Variants in CACNA1E observed in about 807,000 individuals in gnomAD.
CACNA1E encodes voltage-dependent R-type calcium channel subunit alpha-1E.
CACNA1E carries 40 observed loss-of-function variants against 259.2 expected under a neutral mutation model. The ratio of observed to expected loss-of-function variants is 0.15; its 90% CI spans 0.12 to 0.20. The LOEUF is 0.20. Ranked by LOEUF, CACNA1E falls within the 10% of genes least tolerant of loss-of-function variation. CACNA1E has a pLI of 1.00. For missense variants in CACNA1E, 1,874 were observed against 3,040.1 expected (o/e 0.62, Z 9.02); for synonymous variants, 1,104 against 1,138.5 (o/e 0.97, Z 0.61).
At chr1:181,342,530 C>T (rs774762910) in intron 1 of CACNA1E, among the ~76,000 whole-genome samples, 7 of 152,186 alleles carry the variant, frequency 4.6e-5, no homozygotes, top group East Asian at 1.9e-4. Context: ...GCTACACACA[C>T]GGATGAATTT....
At chr1:181,692,447 A>G (rs537568962) in intron 7 of CACNA1E, among the ~76,000 whole-genome samples, 1 of 152,318 alleles carries the variant, frequency 6.6e-6, no homozygotes, top group Admixed American at 6.5e-5. Flanking sequence ...CTTGGTACAG[A>G]AACAGAAACA....
chr1:181,417,762 A>G (rs554034950), intron 2 of CACNA1E, among the ~76,000 whole-genome samples: 31 of 152,246 alleles, frequency 2.0e-4, no homozygotes, highest in East Asian at 3.9e-4. Context: ...CATGACTACA[A>G]TTGCCTTCCT....
At chr1:181,754,095 T>C in intron 27 of CACNA1E, among the ~76,000 whole-genome samples, 1 of 152,198 alleles carries the variant, frequency 6.6e-6, no homozygotes, top group East Asian at 1.9e-4. Context: ...CAGGCTGCCT[T>C]GGGCCCTGAC....
At chr1:181,543,485 A>T (rs1256880723) in intron 3 of CACNA1E, among the ~76,000 whole-genome samples, 2 of 152,234 alleles carry the variant, frequency 1.3e-5, no homozygotes, top group Non-Finnish European at 2.9e-5. Flanking sequence ...TAATTAGTTC[A>T]TAAGGGTACA....
chr1:181,677,148 A>G (rs1284454503), intron 7 of CACNA1E, among the ~76,000 whole-genome samples: 1 of 152,036 alleles, frequency 6.6e-6, no homozygotes, highest in Non-Finnish European at 1.5e-5. Context: ...GGTTGTTCCT[A>G]TGACTGGATG....
At chr1:181,760,112 A>T (rs1658449133) in intron 32 of CACNA1E, among the ~76,000 whole-genome samples, 1 of 151,998 alleles carries the variant, frequency 6.6e-6, no homozygotes, top group African/African-American at 2.4e-5. Context: ...CAACAGGGAA[A>T]TTTTTTCTAT....
intron 36 of CACNA1E, 103 bp from the exon 37 acceptor site, chr1:181,771,963 G>T: frequency 9.8e-7 from 1 of 1,024,714 alleles, no homozygotes; most frequent in Non-Finnish European, 1.4e-6. Flanking sequence ...AGAGCCTGTT[G>T]GGCCCAGACA....
chr1:181,407,043 A>G (rs1259942298), intron 1 of CACNA1E, among the ~76,000 whole-genome samples: 1 of 151,848 alleles, frequency 6.6e-6, no homozygotes, highest in East Asian at 1.9e-4. Flanking sequence ...GACTCTTTCA[A>G]CTCCTCCGCA....
chr1:181,702,323 A>G (rs941980284), intron 7 of CACNA1E, among the ~76,000 whole-genome samples: 3 of 151,942 alleles, frequency 2.0e-5, no homozygotes, highest in Non-Finnish European at 4.4e-5. Context: ...CCAGAGCCCC[A>G]CTGTTTCTCA....
At chr1:181,704,303 T>C (rs1230947937) in intron 7 of CACNA1E, among the ~76,000 whole-genome samples, 3 of 152,116 alleles carry the variant, frequency 2.0e-5, no homozygotes, top group Non-Finnish European at 4.4e-5. Flanking sequence ...ACTGAAAATA[T>C]AGAAACATTG....
At chr1:181,640,009 C>T (rs1288292735) in intron 6 of CACNA1E, among the ~76,000 whole-genome samples, 1 of 152,110 alleles carries the variant, frequency 6.6e-6, no homozygotes, top group Non-Finnish European at 1.5e-5. Flanking sequence ...CTGATACAGG[C>T]ACCTACTCAA....
chr1:181,494,733 A>G (rs889418383), intron 1 of CACNA1E, among the ~76,000 whole-genome samples: 8 of 152,200 alleles, frequency 5.3e-5, no homozygotes, highest in African/African-American at 1.9e-4. Flanking sequence ...TCTACACCGC[A>G]CTGTCTATGG....
intron 6 of CACNA1E, among the ~76,000 whole-genome samples, chr1:181,603,151 A>G (rs1653898946): frequency 6.6e-6 from 1 of 152,198 alleles, no homozygotes; most frequent in African/African-American, 2.4e-5. Flanking sequence ...GGGGATATTT[A>G]CTGTGGTGAA....
intron 1 of CACNA1E, among the ~76,000 whole-genome samples, chr1:181,362,627 C>T (rs1351663414): frequency 6.6e-6 from 1 of 152,208 alleles, no homozygotes; most frequent in Non-Finnish European, 1.5e-5. Context: ...AGGGATTATT[C>T]TCCTGGGATA....
chr1:181,380,325 C>G (rs1655373889), intron 1 of CACNA1E, among the ~76,000 whole-genome samples: 1 of 151,982 alleles, frequency 6.6e-6, no homozygotes, highest in Non-Finnish European at 1.5e-5. Context: ...AGAAACATCT[C>G]AAAGTGGTGA....
At chr1:181,427,623 A>C (rs552174321) in intron 2 of CACNA1E, among the ~76,000 whole-genome samples, 1 of 70,756 alleles carries the variant, frequency 1.4e-5, no homozygotes, top group African/African-American at 6.0e-5. Context: ...CTACCATTGC[A>C]ACTCCTCCCC....
chr1:181,511,594 T>A, intron 3 of CACNA1E, 84 bp downstream of exon 3: 4 of 1,484,642 alleles, frequency 2.7e-6, no homozygotes, highest in Non-Finnish European at 3.7e-6. Context: ...GAACCTGGGG[T>A]GGAAAGACAG....
intron 7 of CACNA1E, among the ~76,000 whole-genome samples, chr1:181,663,534 G>T (rs1647898339): frequency 1.3e-5 from 2 of 152,202 alleles, no homozygotes; most frequent in Non-Finnish European, 2.9e-5. Context: ...AATGATTGAT[G>T]AATTGAAGGG....
chr1:181,754,518 GTGGAGGTCTC>G (rs1657913719), intron 27 of CACNA1E, among the ~76,000 whole-genome samples: 1 of 152,206 alleles, frequency 6.6e-6, no homozygotes, highest in South Asian at 2.1e-4. Flanking sequence ...AGGGCCTAGA[GTGGAGGTCTC>G]TGGAGGTCTG....
Sources: allele counts gnomAD v4.1 joint callset (sites outside exome capture counted in the v4.1 genomes callset), GRCh38; gene constraint gnomAD v4.1.1; transcripts MANE v1.5; gene names NCBI Gene and HGNC (gene_info 2026-07-23, HGNC 2026-07-21).